CLCC1: variants seen among roughly 807,000 people sequenced by gnomAD.
CLCC1 encodes chloride channel CLIC-like protein 1.
In CLCC1, 39 loss-of-function variants were observed where a neutral mutation model predicts 63.3. The observed-to-expected ratio is 0.62, with a 90% CI of 0.48 to 0.81. The LOEUF is 0.81. CLCC1 is among the 30% of genes least tolerant of loss of function. CLCC1 has a pLI of 0.00. For missense variants in CLCC1, 549 were observed against 669.4 expected (o/e 0.82, Z 1.98); for synonymous variants, 217 against 239.8 (o/e 0.90, Z 0.88).
chr1:108,939,999 G>C (rs1180405267), intron 9 of CLCC1, 46 bp downstream of exon 9: 1 of 1,447,858 alleles, frequency 6.9e-7, no homozygotes, highest in African/African-American at 1.4e-5. Context: ...AAATACAAGG[G>C]ATTTCTGACT....
At chr1:108,938,395 A>ATTTGTT in intron 10 of CLCC1, among the ~76,000 whole-genome samples, 1 of 152,212 alleles carries the variant, frequency 6.6e-6, no homozygotes, top group South Asian at 2.1e-4. Flanking sequence ...TATAGAACTA[A>ATTTGTT]TGTCACCTAA....
rs34333498 is a variant in CLCC1 at position 108,951,766 on chromosome 1, C to CTTT, written c.-11-1321_-11-1319dup. 1.1e-3 allele frequency among the ~76,000 whole-genome samples: 149 copies of CTTT among 132,276 alleles called. 1 individual carries two copies. Among genetic ancestry groups the CTTT allele is most frequent in the African/African-American group, 3.3e-3 (118 of 35,246 alleles). 86.8% of individuals were successfully genotyped at this position (132,276 alleles called of 152,430 possible). A position where few individuals can be genotyped will look rare whatever the true frequency, so the allele number is the denominator to read the frequency against. Reference sequence around the variant, plus strand: ...ATACCCAAAACCGTTGAATTGTATACTTTTTTTTTTTTTTTTTTGAGACAG... The same window carrying CTTT: ...ATACCCAAAACCGTTGAATTGTATACTTTTTTTTTTTTTTTTTTTTTGAGACAG... On this transcript the variant is annotated intron_variant, in intron 2 of 12. Coordinates refer to ENST00000369969, the MANE Select transcript of CLCC1 (RefSeq NM_001377458.1).
intron 12 of CLCC1, chr1:108,933,202 G>A: frequency 5.4e-5 from 1 of 18,610 alleles, no homozygotes; most frequent in African/African-American, 2.2e-4. Context: ...ATCCAAAAAT[G>A]TGTATTCTGC....
chr1:108,930,833 G>A lies in CLCC1; in HGVS notation c.*1714C>T, dbSNP rs1431645012. 6.5e-6 allele frequency: 1 copy of A among 152,776 alleles called. No individual in the cohort carries two copies. The highest frequency in any genetic ancestry group is 1.5e-5 in the Non-Finnish European group (1 of 68,700). 9.5% of individuals were successfully genotyped at this position (152,776 alleles called of 1,614,324 possible). A position where few individuals can be genotyped will look rare whatever the true frequency, so the allele number is the denominator to read the frequency against. ...GAACCCCTGGGAGGCAGAGATTGCA[G>A]TGAGCTGAGACCAAGCCACTGGACT... On this transcript the variant is annotated 3_prime_UTR_variant, in exon 13 of 13. Coordinates refer to ENST00000369969, the MANE Select transcript of CLCC1 (RefSeq NM_001377458.1).
Position 108,937,394 on chromosome 1 carries a change from A to AT in CLCC1, c.1065dup (p.Ser356IlefsTer12), listed in dbSNP as rs758348887. 2 of 1,607,480 alleles carry AT rather than the reference A, an allele frequency of 1.2e-6. No individual in the cohort carries two copies. Among genetic ancestry groups the AT allele is most frequent in the Non-Finnish European group, 1.7e-6 (2 of 1,177,102 alleles). On this transcript the variant is annotated frameshift_variant, in exon 11 of 13. Transcript: ENST00000369969. LOFTEE classifies it high-confidence loss of function. ...CCTATATGTCTCAGCACATGAACTG[A>AT]TTTTCCAGCACCATAGCAGAAACTC...
rs559836571 is a variant in CLCC1, at chr1:108,961,752, G to C, written c.-12+557C>G. On this transcript the variant is annotated intron_variant, in intron 2 of 12. Transcript: ENST00000369969. ...CGCATGCCTGTAATCCCAGCTACTC[G>C]GGAGGCTGGGGCAGGAGAATTGCTT... Among the ~76,000 whole-genome samples, 22 of 152,168 alleles carry C rather than the reference G, an allele frequency of 1.4e-4. No homozygotes were observed. The East Asian group carries it at 3.1e-3, about 21-fold the overall frequency.
In CLCC1 at chr1:108,931,129, T is replaced by A; in HGVS notation, c.*1418A>T. The A allele has an allele frequency of 2.0e-6, 1 of 507,204 alleles. No homozygotes were observed. 31.4% of individuals were successfully genotyped at this position (507,204 alleles called of 1,614,324 possible). On this transcript the variant is annotated 3_prime_UTR_variant, in exon 13 of 13. Transcript: ENST00000369969. The stretch of plus-strand genomic sequence containing the variant: ...AATGGTCTCTTCTGTTCCATAATAC[T>A]GCTGTAAAACAAACTTTTCTAAGTT...
At chr1:108,957,818 C>T (rs999739329) in intron 2 of CLCC1, among the ~76,000 whole-genome samples, 6 of 151,286 alleles carry the variant, frequency 4.0e-5, no homozygotes, top group East Asian at 3.8e-4. Flanking sequence ...AGTGGGACTA[C>T]ATTTGAGAAC....
At chr1:108,946,112 C>T (rs1359884321) in intron 5 of CLCC1, among the ~76,000 whole-genome samples, 2 of 152,154 alleles carry the variant, frequency 1.3e-5, no homozygotes, top group African/African-American at 2.4e-5. Flanking sequence ...AGATCAAGAC[C>T]ATCCTGGCTA....
intron 8 of CLCC1, 104 bp from the exon 9 acceptor site, chr1:108,940,246 A>G: frequency 1.7e-6 from 1 of 596,078 alleles, no homozygotes; most frequent in Non-Finnish European, 2.8e-6. Flanking sequence ...CCACCCACCA[A>G]TGAGTTTTAA....
chr1:108,941,901 G>A (rs980437877), intron 7 of CLCC1, among the ~76,000 whole-genome samples: 6 of 152,034 alleles, frequency 3.9e-5, no homozygotes, highest in African/African-American at 9.7e-5. Flanking sequence ...TGATCCGCCC[G>A]CCTCAGCCTC....
chr1:108,963,361 G>C lies in CLCC1; in HGVS notation c.-173C>G, dbSNP rs764153570. The C allele has an allele frequency of 1.4e-6, 1 of 701,990 alleles. No individual in the cohort carries two copies. Among genetic ancestry groups the C allele is most frequent in the Non-Finnish European group, 2.6e-6 (1 of 384,582 alleles). 43.5% of individuals were successfully genotyped at this position (701,990 alleles called of 1,614,324 possible). A position where few individuals can be genotyped will look rare whatever the true frequency, so the allele number is the denominator to read the frequency against. On this transcript the variant is annotated splice_region_variant and 5_prime_UTR_variant, in exon 1 of 13. Transcript: ENST00000369969. ...AACACACCCAACTGCACGGACTCAC[G>C]TCCGGGATCCCCTGCCTGCCTCTCG...
At chr1:108,951,587 T>C (rs1274984244) in intron 2 of CLCC1, among the ~76,000 whole-genome samples, 6 of 152,134 alleles carry the variant, frequency 3.9e-5, no homozygotes, top group Non-Finnish European at 8.8e-5. Context: ...ATATGAAATG[T>C]CCAGAATAGG....
At chr1:108,949,487 A>C (rs1654930664) in intron 4 of CLCC1, among the ~76,000 whole-genome samples, 1 of 152,230 alleles carries the variant, frequency 6.6e-6, no homozygotes, top group Admixed American at 6.5e-5. Flanking sequence ...ACATTTGTTG[A>C]GAGTTTACTA....
chr1:108,931,413 A>G lies in CLCC1; in HGVS notation c.*1134T>C. Reference sequence around the variant, plus strand: ...CTGGGACCTGGAGTAACACTGGATCACAGACTGCAAAGGCCCACGCTTGGA... The same window carrying G: ...CTGGGACCTGGAGTAACACTGGATCGCAGACTGCAAAGGCCCACGCTTGGA... On this transcript the variant is annotated 3_prime_UTR_variant, in exon 13 of 13. Coordinates refer to ENST00000369969, the MANE Select transcript of CLCC1 (RefSeq NM_001377458.1). 1 of 1,551,174 alleles carries G rather than the reference A, an allele frequency of 6.4e-7. No homozygotes were observed. The highest frequency in any genetic ancestry group is 8.7e-7 in the Non-Finnish European group (1 of 1,147,122).
chr1:108,933,562 T>G (rs1433157257), intron 12 of CLCC1: 1 of 152,268 alleles, frequency 6.6e-6, no homozygotes, highest in Non-Finnish European at 1.5e-5. Flanking sequence ...CATGAAAATT[T>G]AAAGACTTTA....
At chr1:108,949,781 TA>T in intron 4 of CLCC1, 38 bp downstream of exon 4, 1 of 1,061,456 alleles carries the variant, frequency 9.4e-7, no homozygotes, top group Non-Finnish European at 1.4e-6. Flanking sequence ...CGATTTAACA[TA>T]ATATAAAAAT....
At position 108,939,309 on chromosome 1, in the gene CLCC1, AT is replaced by A. The variant is rs1162492145; in HGVS notation, c.1041+326del. Among the ~76,000 whole-genome samples the A allele has an allele frequency of 5.1e-3, 706 of 139,794 alleles. 3 individuals carry two copies. Among genetic ancestry groups the A allele is most frequent in the African/African-American group, 6.0e-3 (231 of 38,436 alleles). 91.7% of individuals were successfully genotyped at this position (139,794 alleles called of 152,430 possible). On this transcript the variant is annotated intron_variant, in intron 10 of 12. Coordinates refer to ENST00000369969, the MANE Select transcript of CLCC1 (RefSeq NM_001377458.1). ...ATATATAAATATACATATATGTATA[AT>A]TTTTTTTTTTTTTTGAGACGGAATC...
intron 7 of CLCC1, among the ~76,000 whole-genome samples, chr1:108,941,699 G>A (rs993259234): frequency 2.6e-5 from 4 of 151,546 alleles, no homozygotes; most frequent in African/African-American, 4.9e-5. Flanking sequence ...TGTCACCCAC[G>A]CTGGTGTGCG....
Sources: allele counts gnomAD v4.1 joint callset (sites outside exome capture counted in the v4.1 genomes callset), GRCh38; gene constraint gnomAD v4.1.1; transcripts MANE v1.5; gene names NCBI Gene and HGNC (gene_info 2026-07-23, HGNC 2026-07-21).